Variants in RCSD1 observed in about 807,000 individuals in gnomAD.
RCSD1 encodes the protein RCSD domain containing 1, also known as capZ-interacting protein.
Under a neutral mutation model 42.5 loss-of-function variants are expected in RCSD1, and 26 were observed. The observed-to-expected ratio is 0.61, with a 90% CI of 0.45 to 0.85. The LOEUF (loss-of-function observed/expected upper bound fraction) is 0.85, where lower values mean the gene tolerates loss of function less well. RCSD1 is among the 40% of genes least tolerant of loss of function. The probability of loss-of-function intolerance (pLI) is 0.00; values close to 1 mark genes in which losing one functional copy is unlikely to be tolerated. For missense variants in RCSD1, 571 were observed against 528.3 expected (o/e 1.08, Z -0.79); for synonymous variants, 220 against 212.2 (o/e 1.04, Z -0.32).
intron 1 of RCSD1, among the ~76,000 whole-genome samples, chr1:167,672,939 T>C (rs902823730): frequency 6.6e-6 from 1 of 152,162 alleles, no homozygotes; most frequent in Non-Finnish European, 1.5e-5. Flanking sequence ...TCATTGTGTC[T>C]TTAGAGCCTC....
chr1:167,638,956 G>C (rs1056811688), intron 1 of RCSD1, among the ~76,000 whole-genome samples: 4 of 152,206 alleles, frequency 2.6e-5, no homozygotes, highest in African/African-American at 2.4e-5. Flanking sequence ...GGTGGCTTAT[G>C]CCTGTAATCC....
chr1:167,657,298 G>A (rs999165835), intron 1 of RCSD1, among the ~76,000 whole-genome samples: 3 of 152,184 alleles, frequency 2.0e-5, no homozygotes, highest in African/African-American at 7.2e-5. Context: ...AAAATCAGGG[G>A]TGTGGGGCCT....
Position 167,647,461 on chromosome 1 carries a change from C to T in RCSD1, c.6+17032C>T, listed in dbSNP as rs539017731. ...AAAATAGCAGTGCATGGTGGTCTAC[C>T]TGTAGTCCCAGTTATTCAGGAGGCT... On this transcript the variant is annotated intron_variant, in intron 1 of 6. Transcript: ENST00000367854. 1.3e-3 allele frequency among the ~76,000 whole-genome samples: 201 copies of T among 152,110 alleles called. 1 individual carries two copies. The highest frequency in any genetic ancestry group is 4.7e-3 in the African/African-American group (195 of 41,468).
At chr1:167,696,572 C>T (rs1659502369) in intron 5 of RCSD1, among the ~76,000 whole-genome samples, 1 of 151,856 alleles carries the variant, frequency 6.6e-6, no homozygotes, top group South Asian at 2.1e-4. Context: ...CCATCTCAGC[C>T]TCCCAAGTAG....
chr1:167,700,020 T>G (rs73035741), intron 6 of RCSD1, among the ~76,000 whole-genome samples: 2 of 152,186 alleles, frequency 1.3e-5, no homozygotes, highest in African/African-American at 2.4e-5. Context: ...GTGTATTTTT[T>G]AATTGTATTT....
At chr1:167,652,153 C>A (rs1240477712) in intron 1 of RCSD1, among the ~76,000 whole-genome samples, 1 of 151,536 alleles carries the variant, frequency 6.6e-6, no homozygotes, top group African/African-American at 2.4e-5. Context: ...TCCTGAGTAG[C>A]TGGGATTACA....
At chr1:167,652,725 C>T (rs1416276336) in intron 1 of RCSD1, among the ~76,000 whole-genome samples, 1 of 151,904 alleles carries the variant, frequency 6.6e-6, no homozygotes, top group Non-Finnish European at 1.5e-5. Context: ...TTTTTTTAGC[C>T]TTTTTCTTGT....
intron 3 of RCSD1, 57 bp downstream of exon 3, chr1:167,685,567 T>G: frequency 6.8e-7 from 1 of 1,465,906 alleles, no homozygotes; most frequent in East Asian, 2.3e-5. Context: ...TTCCTCTTCT[T>G]GAGGAAAGTT....
chr1:167,652,340 C>G (rs370237191), intron 1 of RCSD1, among the ~76,000 whole-genome samples: 1 of 152,072 alleles, frequency 6.6e-6, no homozygotes, highest in South Asian at 2.1e-4. Context: ...CTTTTCATTC[C>G]TCCTGGAGCC....
intron 1 of RCSD1, among the ~76,000 whole-genome samples, chr1:167,634,379 G>GT (rs34071293): frequency 0.011 from 1,662 of 148,278 alleles, 25 homozygotes; most frequent in African/African-American, 0.038. Context: ...GAAGATCAGG[G>GT]TTTTTTTTTT....
At chr1:167,640,845 T>G (rs1657986883) in intron 1 of RCSD1, 2 of 152,156 alleles carry the variant, frequency 1.3e-5, no homozygotes, top group African/African-American at 2.4e-5. Context: ...ACACTGTGCC[T>G]GTCTAGGAAG....
At chr1:167,693,584 G>A (rs1036664187) in intron 4 of RCSD1, among the ~76,000 whole-genome samples, 1 of 152,220 alleles carries the variant, frequency 6.6e-6, no homozygotes, top group East Asian at 1.9e-4. Context: ...CAGACCCGGT[G>A]TGAATCTCAG....
Position 167,694,256 on chromosome 1 carries a change from G to A in RCSD1, c.428G>A (p.Ser143Asn). The A allele has an allele frequency of 6.2e-7, 1 of 1,614,228 alleles. No homozygotes were observed. Among genetic ancestry groups the A allele is most frequent in the Admixed American group, 1.7e-5 (1 of 60,030 alleles). ...RPSEAEEVPV[S>N]FDQPPEGSHL... ...AGCGAGGCAGAGGAGGTGCCTGTCA[G>A]CTTCGACCAGCCCCCTGAAGGCAGT... Residue 143 changes from serine to asparagine, a missense_variant, in exon 5 of 7, where the codon AGC (serine) becomes AAC (asparagine). Ser to Asn is a conservative substitution (Grantham distance 46, BLOSUM62 1). Transcript: ENST00000367854.
chr1:167,650,219 A>G (rs971944808), intron 1 of RCSD1, among the ~76,000 whole-genome samples: 10 of 152,224 alleles, frequency 6.6e-5, no homozygotes, highest in African/African-American at 2.4e-4. Flanking sequence ...TGTTGTCTCC[A>G]CTGTGTTTTG....
intron 1 of RCSD1, among the ~76,000 whole-genome samples, chr1:167,661,277 G>T (rs990472350): frequency 6.6e-6 from 1 of 152,306 alleles, no homozygotes; most frequent in African/African-American, 2.4e-5. Flanking sequence ...GGTCCCTGCC[G>T]TGAAGTGCAG....
intron 1 of RCSD1, chr1:167,664,756 T>C (rs1658614340): frequency 1.3e-5 from 2 of 152,180 alleles, no homozygotes; most frequent in Admixed American, 1.3e-4. Context: ...AATACAAAAA[T>C]TGGCCCAGTG....
chr1:167,697,506 T>G lies in RCSD1; in HGVS notation c.882T>G (p.Asn294Lys). ...AGACCTCTGGCCCAGAGGCAGAAAA[T>G]AGGTGTGGGAGCCCCAGGGAGGAAA... Reference protein sequence around the residue: ...SPQTSGPEAENRCGSPREEKP... With the variant: ...SPQTSGPEAEKRCGSPREEKP... The change falls in exon 6 of 7, where the codon AAT (asparagine) becomes AAG (lysine). Residue 294 changes from asparagine (N) to lysine (K), a missense_variant. By Grantham distance (94) the Asn-to-Lys change is moderately conservative. Coordinates refer to ENST00000367854, the MANE Select transcript of RCSD1 (RefSeq NM_052862.4). 6.2e-7 allele frequency: 1 copy of G among 1,605,480 alleles called. No individual in the cohort carries two copies. Among genetic ancestry groups the G allele is most frequent in the Admixed American group, 1.7e-5 (1 of 58,512 alleles).
At chr1:167,657,916 T>C (rs1044096457) in intron 1 of RCSD1, among the ~76,000 whole-genome samples, 3 of 146,644 alleles carry the variant, frequency 2.0e-5, no homozygotes, top group South Asian at 2.1e-4. Context: ...CACACACACA[T>C]GCACGTTTTA....
chr1:167,639,658 A>G lies in RCSD1; in HGVS notation c.6+9229A>G, dbSNP rs139301011. On this transcript the variant is annotated intron_variant, in intron 1 of 6. Transcript: ENST00000367854. The stretch of plus-strand genomic sequence containing the variant: ...CAGGCGCCTGCCACTGTGCTCAGCT[A>G]ATTTTTGTATTTTTTAATAGAGACG... 3.9e-5 allele frequency among the ~76,000 whole-genome samples: 6 copies of G among 152,154 alleles called. No individual in the cohort carries two copies. The East Asian group carries it at 1.2e-3, about 29-fold the overall frequency.
Sources: allele counts gnomAD v4.1 joint callset (sites outside exome capture counted in the v4.1 genomes callset), GRCh38; gene constraint gnomAD v4.1.1; transcripts MANE v1.5; gene names NCBI Gene and HGNC (gene_info 2026-07-23, HGNC 2026-07-21).